UBAC2: variants seen among roughly 807,000 people sequenced by gnomAD.
UBAC2 encodes UBA domain containing 2.
UBAC2 carries 26 observed loss-of-function variants against 44.0 expected under a neutral mutation model. The observed-to-expected ratio is 0.59, with a 90% CI of 0.43 to 0.82. UBAC2 has a LOEUF of 0.82. Ranked by LOEUF, UBAC2 falls within the 40% of genes least tolerant of loss-of-function variation. The probability of loss-of-function intolerance (pLI) is 0.00; values close to 1 mark genes in which losing one functional copy is unlikely to be tolerated. For synonymous variants in UBAC2, 155 were observed against 154.3 expected, an observed-to-expected ratio of 1.00 and a Z score of -0.04; for missense variants, 329 against 419.4, an observed-to-expected ratio of 0.78 and a Z score of 1.88.
chr13:99,215,927 A>G (rs1262090528), intron 1 of UBAC2, among the ~76,000 whole-genome samples: 1 of 152,110 alleles, frequency 6.6e-6, no homozygotes, highest in Admixed American at 6.5e-5. Flanking sequence ...AGTCTGAAAG[A>G]CCTCTCTAAT....
At chr13:99,268,611 C>CAA (rs756827927) in intron 4 of UBAC2, among the ~76,000 whole-genome samples, 16,634 of 74,710 alleles carry the variant, frequency 0.22, 2,931 homozygotes, top group African/African-American at 0.42. Flanking sequence ...GACTCTGTCT[C>CAA]AAAAAAAAAA....
intron 8 of UBAC2, among the ~76,000 whole-genome samples, chr13:99,383,287 C>T (rs1453890093): frequency 6.6e-6 from 1 of 152,258 alleles, no homozygotes; most frequent in African/African-American, 2.4e-5. Context: ...CAAATCCTGC[C>T]TGACCTTTTA....
At chr13:99,312,997 T>G (rs937486024) in intron 4 of UBAC2, 1 of 152,754 alleles carries the variant, frequency 6.5e-6, no homozygotes, top group African/African-American at 2.4e-5. Flanking sequence ...TTGTTTGTTT[T>G]TTGAGACGGA....
At chr13:99,351,773 C>T (rs1310960694) in intron 7 of UBAC2, 2 of 456,742 alleles carry the variant, frequency 4.4e-6, no homozygotes, top group South Asian at 3.1e-5. Flanking sequence ...CCAAGTGGGA[C>T]ATTTGGCAGC....
intron 7 of UBAC2, among the ~76,000 whole-genome samples, chr13:99,344,152 G>A (rs1037171932): frequency 7.9e-5 from 12 of 152,134 alleles, no homozygotes; most frequent in African/African-American, 2.7e-4. Flanking sequence ...CCCGGTGTAC[G>A]CCTAGAGAGA....
intron 4 of UBAC2, among the ~76,000 whole-genome samples, chr13:99,289,474 G>C (rs1234115567): frequency 6.6e-6 from 1 of 152,222 alleles, no homozygotes; most frequent in African/African-American, 2.4e-5. Flanking sequence ...GAGGAACTTG[G>C]ACTTGATGTG....
intron 4 of UBAC2, among the ~76,000 whole-genome samples, chr13:99,303,541 C>T (rs958089886): frequency 2.6e-5 from 4 of 152,106 alleles, no homozygotes; most frequent in African/African-American, 9.7e-5. Flanking sequence ...AACTAAGAAT[C>T]CCACCATAAT....
intron 1 of UBAC2, among the ~76,000 whole-genome samples, chr13:99,223,540 C>CTTTTTT (rs1217614346): frequency 2.9e-5 from 1 of 34,940 alleles, no homozygotes; most frequent in Middle Eastern, 0.028. Context: ...TTCTCTTTTT[C>CTTTTTT]TGTTTTTTTT....
rs374683969 is a variant in UBAC2, at chr13:99,237,271, T to TATACACACACACAC, written c.32-1155_32-1154insTACACACACACACA. Reference sequence around the variant, plus strand: ...TTTTATGCGTATATATATATATATATACACACACACACACACACACACACA... The same window carrying TATACACACACACAC: ...TTTTATGCGTATATATATATATATATATACACACACACACACACACACACACACACACACACACA... On this transcript the variant is annotated intron_variant, in intron 1 of 8. Transcript: ENST00000403766. 2.1e-4 allele frequency among the ~76,000 whole-genome samples: 31 copies of TATACACACACACAC among 145,018 alleles called. 1 individual carries two copies. Among genetic ancestry groups the TATACACACACACAC allele is most frequent in the East Asian group, 1.8e-3 (9 of 4,912 alleles).
chr13:99,271,525 T>A (rs2043816033), intron 4 of UBAC2, among the ~76,000 whole-genome samples: 1 of 152,178 alleles, frequency 6.6e-6, no homozygotes, highest in Non-Finnish European at 1.5e-5. Flanking sequence ...TGGCCTTTAA[T>A]CAGGGCATTC....
At chr13:99,325,426 G>A (rs2044628505) in intron 6 of UBAC2, among the ~76,000 whole-genome samples, 1 of 152,098 alleles carries the variant, frequency 6.6e-6, no homozygotes, top group South Asian at 2.1e-4. Flanking sequence ...TTAAAAGATA[G>A]CTTTGCATAA....
chr13:99,232,507 T>C (rs2043187829), intron 1 of UBAC2, among the ~76,000 whole-genome samples: 1 of 150,894 alleles, frequency 6.6e-6, no homozygotes, highest in Admixed American at 6.6e-5. Flanking sequence ...TAATAAGTAG[T>C]TTATTGTTTG....
intron 7 of UBAC2, among the ~76,000 whole-genome samples, chr13:99,346,690 T>A (rs1207436647): frequency 6.6e-6 from 1 of 152,156 alleles, no homozygotes. Flanking sequence ...AAATATCGCC[T>A]CCTCAGGGAG....
intron 4 of UBAC2, among the ~76,000 whole-genome samples, chr13:99,265,592 C>T (rs1393907016): frequency 6.6e-6 from 1 of 152,202 alleles, no homozygotes; most frequent in Non-Finnish European, 1.5e-5. Context: ...CCCTTTTCTT[C>T]TTCTTGTTCT....
intron 1 of UBAC2, 31 bp downstream of exon 1, chr13:99,200,970 C>T (rs775383089): frequency 1.1e-4 from 149 of 1,301,056 alleles, no homozygotes; most frequent in Non-Finnish European, 3.3e-5. Flanking sequence ...TCCTGGCTGC[C>T]CCCTACACGC....
At chr13:99,268,460 T>G (rs1594071617) in intron 4 of UBAC2, among the ~76,000 whole-genome samples, 3 of 151,556 alleles carry the variant, frequency 2.0e-5, no homozygotes, top group Admixed American at 2.0e-4. Context: ...TACAAAAAAT[T>G]AGCCAGGCGT....
At chr13:99,255,941 C>G (rs766408007) in intron 4 of UBAC2, 2 of 1,408,616 alleles carry the variant, frequency 1.4e-6, no homozygotes, top group Non-Finnish European at 1.9e-6. Context: ...AGAATAAAAT[C>G]GTTGGTTAAA....
chr13:99,371,821 A>G (rs1327388366), intron 8 of UBAC2, among the ~76,000 whole-genome samples: 1 of 152,248 alleles, frequency 6.6e-6, no homozygotes, highest in African/African-American at 2.4e-5. Flanking sequence ...TAGACATGAA[A>G]TGTATGCCAT....
chr13:99,207,995 T>TC (rs1566446476), intron 1 of UBAC2, among the ~76,000 whole-genome samples: 2 of 61,348 alleles, frequency 3.3e-5, no homozygotes. Flanking sequence ...CATCGTCTCT[T>TC]TTTTTTTTTT....
Sources: allele counts gnomAD v4.1 joint callset (sites outside exome capture counted in the v4.1 genomes callset), GRCh38; gene constraint gnomAD v4.1.1; transcripts MANE v1.5; gene names NCBI Gene and HGNC (gene_info 2026-07-23, HGNC 2026-07-21).